The following UBE2K variants were observed in gnomAD, a reference collection of about 807,000 sequenced individuals.
UBE2K encodes ubiquitin conjugating enzyme E2 K.
In UBE2K, 6 loss-of-function variants were observed where a neutral mutation model predicts 30.0. The observed-to-expected ratio is 0.20, with a 90% CI of 0.11 to 0.39. UBE2K has a LOEUF of 0.39. UBE2K is among the 10% of genes least tolerant of loss of function. The pLI is 1.00. For synonymous variants in UBE2K, 86 were observed against 83.7 expected, an observed-to-expected ratio of 1.03 and a Z score of -0.15; for missense variants, 61 against 241.6, an observed-to-expected ratio of 0.25 and a Z score of 4.96.
At chr4:39,748,736 C>G (rs1721108789) in intron 3 of UBE2K, among the ~76,000 whole-genome samples, 1 of 151,944 alleles carries the variant, frequency 6.6e-6, no homozygotes, top group Non-Finnish European at 1.5e-5. Flanking sequence ...ATTTGTATTA[C>G]TGTGACCTCA....
Position 39,771,278 on chromosome 4 carries a change from AGGC to A in UBE2K, c.300-3552_300-3550del, listed in dbSNP as rs1222399402. 21 of 1,611,746 alleles carry A rather than the reference AGGC, an allele frequency of 1.3e-5. No individual in the cohort carries two copies. In the East Asian group the frequency reaches 4.7e-4, roughly 36 times the overall value. On this transcript the variant is annotated intron_variant, in intron 4 of 6. Transcript: ENST00000261427. ...AACTGGTCCCGCAGGAACGGTGAGC[AGGC>A]GGCTAAGATGACCTTGTGGCCTCGA...
chr4:39,713,538 T>C (rs1718835419), intron 1 of UBE2K, among the ~76,000 whole-genome samples: 2 of 63,546 alleles, frequency 3.1e-5, no homozygotes, highest in South Asian at 1.2e-3. Context: ...TTTTGGCTTA[T>C]CTTTTTATGC....
At chr4:39,717,919 T>G in intron 1 of UBE2K, among the ~76,000 whole-genome samples, 1 of 147,242 alleles carries the variant, frequency 6.8e-6, no homozygotes, top group Non-Finnish European at 1.5e-5. Context: ...CCCGGTGGGT[T>G]CGTGGTTTCG....
At chr4:39,743,848 T>TTTTCC (rs1720837718) in intron 2 of UBE2K, among the ~76,000 whole-genome samples, 1 of 115,502 alleles carries the variant, frequency 8.7e-6, no homozygotes, top group Non-Finnish European at 1.9e-5. Flanking sequence ...CCCTTCAGTG[T>TTTTCC]TTTCTTTTCT....
At chr4:39,768,387 C>T (rs1408001856) in intron 4 of UBE2K, among the ~76,000 whole-genome samples, 1 of 142,670 alleles carries the variant, frequency 7.0e-6, no homozygotes, top group Non-Finnish European at 1.5e-5. Context: ...GCAAAGGTTG[C>T]AGTGAGCCAA....
intron 4 of UBE2K, among the ~76,000 whole-genome samples, chr4:39,761,844 C>G (rs924110951): frequency 4.0e-5 from 6 of 151,892 alleles, no homozygotes; most frequent in African/African-American, 1.5e-4. Context: ...ATCGAAGATA[C>G]AGTTTCTATA....
intron 1 of UBE2K, among the ~76,000 whole-genome samples, chr4:39,699,917 T>TA (rs1379121365): frequency 6.6e-6 from 1 of 152,158 alleles, no homozygotes; most frequent in Non-Finnish European, 1.5e-5. Flanking sequence ...AATGCAGAAA[T>TA]AGAGTCATAA....
At chr4:39,765,357 C>T (rs1712246978) in intron 4 of UBE2K, among the ~76,000 whole-genome samples, 1 of 151,424 alleles carries the variant, frequency 6.6e-6, no homozygotes, top group Non-Finnish European at 1.5e-5. Context: ...AACTCCATCT[C>T]TACAAAAAAT....
At chr4:39,759,617 G>T (rs974681737) in intron 4 of UBE2K, among the ~76,000 whole-genome samples, 4 of 152,138 alleles carry the variant, frequency 2.6e-5, no homozygotes, top group African/African-American at 2.4e-5. Flanking sequence ...AACTTGTGCT[G>T]TGTGGAAACT....
At chr4:39,718,505 A>G (rs1299869926) in intron 1 of UBE2K, among the ~76,000 whole-genome samples, 1 of 152,192 alleles carries the variant, frequency 6.6e-6, no homozygotes, top group Non-Finnish European at 1.5e-5. Context: ...GTCCTGCGCC[A>G]TGCGCCTGCA....
intron 1 of UBE2K, among the ~76,000 whole-genome samples, chr4:39,710,722 AAAATATTGGTGGT>A (rs1243055102): frequency 4.6e-5 from 7 of 152,246 alleles, no homozygotes; most frequent in African/African-American, 1.7e-4. Context: ...CTGTGCGTCC[AAAATATTGGTGGT>A]TATGGTAGAA....
At chr4:39,723,911 C>T (rs532828664) in intron 1 of UBE2K, among the ~76,000 whole-genome samples, 1 of 152,228 alleles carries the variant, frequency 6.6e-6, no homozygotes, top group South Asian at 2.1e-4. Context: ...CTCCGGGGTT[C>T]AAGCGATTCT....
chr4:39,734,785 A>G (rs1212646705), intron 1 of UBE2K, among the ~76,000 whole-genome samples: 1 of 152,222 alleles, frequency 6.6e-6, no homozygotes, highest in Non-Finnish European at 1.5e-5. Flanking sequence ...CATTCCAGCC[A>G]GGGTGATGGG....
intron 2 of UBE2K, among the ~76,000 whole-genome samples, chr4:39,744,773 G>T (rs1720894097): frequency 6.6e-6 from 1 of 151,488 alleles, no homozygotes; most frequent in Non-Finnish European, 1.5e-5. Flanking sequence ...CAGGCGTGGT[G>T]ATGGGCGCCT....
At chr4:39,735,671 G>A (rs531487031) in intron 1 of UBE2K, among the ~76,000 whole-genome samples, 4 of 152,260 alleles carry the variant, frequency 2.6e-5, no homozygotes, top group East Asian at 1.9e-4. Context: ...ATGAGCCACC[G>A]CGCCCGGCCA....
chr4:39,738,450 G>T (rs1261591910), intron 2 of UBE2K, among the ~76,000 whole-genome samples: 1 of 152,130 alleles, frequency 6.6e-6, no homozygotes, highest in Non-Finnish European at 1.5e-5. Flanking sequence ...ATGTAAATCA[G>T]AATTGACTTA....
At chr4:39,770,867 C>G in intron 4 of UBE2K, 1 of 1,543,588 alleles carries the variant, frequency 6.5e-7, no homozygotes, top group South Asian at 1.3e-5. Flanking sequence ...CTTTCAGCTC[C>G]AAGTCCTCAT....
intron 2 of UBE2K, among the ~76,000 whole-genome samples, chr4:39,740,474 C>T (rs1219660071): frequency 2.7e-5 from 4 of 148,804 alleles, no homozygotes; most frequent in Non-Finnish European, 4.5e-5. Flanking sequence ...CCCCGGGAGG[C>T]GGAGCCTTCA....
At chr4:39,700,898 G>A (rs546025276) in intron 1 of UBE2K, among the ~76,000 whole-genome samples, 74 of 120,854 alleles carry the variant, frequency 6.1e-4, no homozygotes, top group African/African-American at 2.0e-3. Context: ...ATGTGAAAAA[G>A]CAAGGTGCAG....
Sources: gnomAD v4.1 joint callset for allele counts (sites outside exome capture counted in the v4.1 genomes callset) on GRCh38, gnomAD v4.1.1 for gene constraint, MANE v1.5 for transcripts, NCBI Gene and HGNC (gene_info 2026-07-23, HGNC 2026-07-21) for gene names.